ACSM1: variants seen among roughly 807,000 people sequenced by gnomAD.
The protein encoded by ACSM1 is acyl-coenzyme A synthetase ACSM1, mitochondrial.
Under a neutral mutation model 75.8 loss-of-function variants are expected in ACSM1, and 79 were observed. The ratio of observed to expected loss-of-function variants is 1.04; its 90% CI spans 0.87 to 1.26. The LOEUF (loss-of-function observed/expected upper bound fraction) is 1.26, where lower values mean the gene tolerates loss of function less well. ACSM1 is among the 50% of genes most tolerant of loss of function. The pLI, the probability that ACSM1 is intolerant of heterozygous loss-of-function variation, is 0.00. For missense variants in ACSM1, 676 were observed against 720.1 expected (o/e 0.94, Z 0.70); for synonymous variants, 279 against 265.8 (o/e 1.05, Z -0.48).
At position 20,627,275 on chromosome 16, in the gene ACSM1, G is replaced by C. The variant is rs1255311041; in HGVS notation, c.1341C>G (p.Phe447Leu). The C allele has an allele frequency of 3.8e-6, 6 of 1,586,580 alleles. No individual in the cohort carries two copies. Among genetic ancestry groups the C allele is most frequent in the Non-Finnish European group, 5.1e-6 (6 of 1,168,606 alleles). The change falls in exon 11 of 14, where the codon TTC becomes TTG. Residue 447 changes from phenylalanine to leucine, a missense_variant. By Grantham distance (22) the Phe-to-Leu change is conservative (BLOSUM62 0). Coordinates refer to ENST00000520010, the MANE Select transcript of ACSM1 (RefSeq NM_001318890.3). ...EKTAKVECGD[F>L]YNTGDRGKMD... ...TCTTACCTCTGTCCCCAGTGTTGTA[G>C]AAGTCCCCACATTCCACTTTAGCTG...
chr16:20,662,855 C>T (rs1596879620), intron 6 of ACSM1, among the ~76,000 whole-genome samples: 1 of 152,122 alleles, frequency 6.6e-6, no homozygotes, highest in Non-Finnish European at 1.5e-5. Flanking sequence ...CAACAGGTGT[C>T]TTTACATGTC....
At chr16:20,660,959 G>T (rs1320446842) in intron 7 of ACSM1, among the ~76,000 whole-genome samples, 1 of 152,116 alleles carries the variant, frequency 6.6e-6, no homozygotes, top group Non-Finnish European at 1.5e-5. Flanking sequence ...TGGAACAATG[G>T]AAATTCTCCT....
chr16:20,686,183 G>A (rs960373895), intron 2 of ACSM1, among the ~76,000 whole-genome samples: 5 of 151,766 alleles, frequency 3.3e-5, no homozygotes, highest in African/African-American at 1.2e-4. Flanking sequence ...AAACAAAAGA[G>A]GCTTACTTAA....
chr16:20,696,562 G>GAT (rs1167898627), intron 1 of ACSM1, among the ~76,000 whole-genome samples: 3 of 152,224 alleles, frequency 2.0e-5, no homozygotes, highest in African/African-American at 7.2e-5. Context: ...TACAGTTTTA[G>GAT]ATACTATTGG....
At chr16:20,676,382 T>G (rs1455897036) in intron 4 of ACSM1, among the ~76,000 whole-genome samples, 1 of 152,196 alleles carries the variant, frequency 6.6e-6, no homozygotes, top group Non-Finnish European at 1.5e-5. Context: ...AGGGTGCAGA[T>G]AAAAGCACCA....
chr16:20,685,076 G>A, intron 3 of ACSM1, 117 bp downstream of exon 3: 1 of 1,050,564 alleles, frequency 9.5e-7, no homozygotes, highest in Non-Finnish European at 1.4e-6. Context: ...ACAGAAACTG[G>A]GGCGAAGGCT....
chr16:20,688,046 C>T (rs550030487), intron 2 of ACSM1, among the ~76,000 whole-genome samples: 2 of 151,230 alleles, frequency 1.3e-5, no homozygotes, highest in South Asian at 4.2e-4. Flanking sequence ...GATCGTGCCA[C>T]TGCGCTCCAG....
At chr16:20,629,185 A>G (rs147825843) in intron 10 of ACSM1, among the ~76,000 whole-genome samples, 2 of 152,274 alleles carry the variant, frequency 1.3e-5, no homozygotes, top group African/African-American at 2.4e-5. Flanking sequence ...ATGGTTATAA[A>G]TGCCTTCTGT....
At chr16:20,638,653 G>A (rs2017874839) in intron 8 of ACSM1, among the ~76,000 whole-genome samples, 1 of 152,150 alleles carries the variant, frequency 6.6e-6, no homozygotes, top group Non-Finnish European at 1.5e-5. Flanking sequence ...TAAAGGTGGG[G>A]GAGCTGAGGT....
At chr16:20,632,056 T>C (rs942107044) in intron 10 of ACSM1, among the ~76,000 whole-genome samples, 1 of 152,114 alleles carries the variant, frequency 6.6e-6, no homozygotes, top group East Asian at 1.9e-4. Flanking sequence ...GATATAATCA[T>C]CTCCAAATAT....
chr16:20,663,890 T>A (rs1567285810), intron 6 of ACSM1, among the ~76,000 whole-genome samples: 2 of 152,160 alleles, frequency 1.3e-5, no homozygotes, highest in Non-Finnish European at 1.5e-5. Context: ...GGAGCTCTGC[T>A]TAGTAGGTAA....
chr16:20,690,810 C>G (rs937533929), intron 2 of ACSM1, among the ~76,000 whole-genome samples, 187 bp downstream of exon 2: 3 of 152,176 alleles, frequency 2.0e-5, no homozygotes, highest in African/African-American at 7.2e-5. Context: ...GATGAAACCA[C>G]TGAGGCTCAA....
chr16:20,691,640 G>C (rs773309826), intron 1 of ACSM1, among the ~76,000 whole-genome samples: 1 of 152,038 alleles, frequency 6.6e-6, no homozygotes, highest in Non-Finnish European at 1.5e-5. Context: ...CATGGAAGCT[G>C]TGATATCTTT....
intron 1 of ACSM1, among the ~76,000 whole-genome samples, chr16:20,693,919 A>G (rs111601937): frequency 0.12 from 18,432 of 152,272 alleles, 1,251 homozygotes; most frequent in East Asian, 0.21. Flanking sequence ...ACTTCTCTTA[A>G]AAGCAAAATT....
At chr16:20,669,768 C>T in intron 6 of ACSM1, 59 bp downstream of exon 6, 1 of 1,563,414 alleles carries the variant, frequency 6.4e-7, no homozygotes. Flanking sequence ...TTAGCAAGGT[C>T]CAGGAAACAT....
intron 4 of ACSM1, chr16:20,673,897 ATG>A (rs2020110137): frequency 7.6e-6 from 2 of 263,458 alleles, no homozygotes; most frequent in South Asian, 7.2e-5. Flanking sequence ...GTATATTTTA[ATG>A]AGAGGAACAT....
intron 4 of ACSM1, among the ~76,000 whole-genome samples, chr16:20,673,204 T>C (rs163259): frequency 0.18 from 26,866 of 151,330 alleles, 3,184 homozygotes; most frequent in African/African-American, 0.34. Context: ...GTTCCCTCAG[T>C]CTCTCTTGTT....
intron 2 of ACSM1, among the ~76,000 whole-genome samples, chr16:20,686,443 G>A (rs1431505907): frequency 1.3e-5 from 2 of 152,014 alleles, no homozygotes; most frequent in Non-Finnish European, 2.9e-5. Context: ...CACAGGCAGG[G>A]GAACAACACA....
intron 11 of ACSM1, among the ~76,000 whole-genome samples, chr16:20,626,679 G>T (rs1001705406): frequency 3.3e-5 from 5 of 151,384 alleles, no homozygotes; most frequent in African/African-American, 7.3e-5. Flanking sequence ...AGTACTCCAG[G>T]TTAGCTAAAT....
Sources: allele counts gnomAD v4.1 joint callset (sites outside exome capture counted in the v4.1 genomes callset), GRCh38; gene constraint gnomAD v4.1.1; transcripts MANE v1.5; gene names NCBI Gene and HGNC (gene_info 2026-07-23, HGNC 2026-07-21).